The following ADAM19 variants were observed in gnomAD, a reference collection of about 807,000 sequenced individuals.
The protein encoded by ADAM19 is ADAM metallopeptidase domain 19, also known as disintegrin and metalloproteinase domain-containing protein 19.
A neutral mutation model predicts 114.7 loss-of-function variants in ADAM19; 65 were observed. The ratio of observed to expected loss-of-function variants is 0.57; its 90% CI spans 0.46 to 0.70. The LOEUF (loss-of-function observed/expected upper bound fraction) is 0.70. ADAM19 is among the 30% of genes least tolerant of loss of function. The probability of loss-of-function intolerance (pLI) is 0.00; values close to 1 mark genes in which losing one functional copy is unlikely to be tolerated. For missense variants in ADAM19, 1,063 were observed against 1,204.7 expected (o/e 0.88, Z 1.74); for synonymous variants, 466 against 460.5 (o/e 1.01, Z -0.15).
At chr5:157,519,575 G>T (rs1718868164) in intron 6 of ADAM19, among the ~76,000 whole-genome samples, 2 of 152,212 alleles carry the variant, frequency 1.3e-5, no homozygotes, top group South Asian at 4.1e-4. Context: ...ATGAGCCATG[G>T]CGCCCAGCCT....
At chr5:157,546,933 C>T (rs1236027599) in intron 3 of ADAM19, among the ~76,000 whole-genome samples, 2 of 152,190 alleles carry the variant, frequency 1.3e-5, no homozygotes, top group African/African-American at 4.8e-5. Context: ...TTTCAGAATC[C>T]CTAGAGAGGT....
At chr5:157,499,169 T>C (rs2113710196) in intron 13 of ADAM19, among the ~76,000 whole-genome samples, 1 of 152,108 alleles carries the variant, frequency 6.6e-6, no homozygotes, top group African/African-American at 2.4e-5. Context: ...TTTTATGGGG[T>C]TTTTGTGAGG....
At chr5:157,535,235 T>G (rs964512150) in intron 4 of ADAM19, among the ~76,000 whole-genome samples, 4 of 152,236 alleles carry the variant, frequency 2.6e-5, no homozygotes, top group African/African-American at 9.6e-5. Context: ...GGCTGCAGAT[T>G]GCAAACCCTG....
intron 22 of ADAM19, 157 bp from the exon 23 acceptor site, chr5:157,481,159 A>G (rs1754734379): frequency 2.1e-6 from 2 of 952,064 alleles, no homozygotes; most frequent in African/African-American, 3.3e-5. Context: ...ACTCACCCAG[A>G]CCATCAGCCC....
rs756650581 is a variant in ADAM19 at position 157,488,490 on chromosome 5, C to T, written c.2326-1G>A. The T allele has an allele frequency of 3.8e-6, 6 of 1,586,158 alleles. No homozygotes were observed. In the African/African-American group the frequency reaches 5.4e-5, roughly 14 times the overall value. ...GCAGGATTTCCGGAGTGTTGATCACCTGTACGCACAAGTCAAGGAACACCT... is the reference window on the plus strand; with the variant it reads ...GCAGGATTTCCGGAGTGTTGATCACTTGTACGCACAAGTCAAGGAACACCT... On this transcript the variant is annotated splice_acceptor_variant, in intron 20 of 22. Coordinates refer to ENST00000257527, the MANE Select transcript of ADAM19 (RefSeq NM_033274.5). LOFTEE classifies it high-confidence loss of function.
At chr5:157,548,058 C>T (rs900521570) in intron 3 of ADAM19, among the ~76,000 whole-genome samples, 5 of 152,156 alleles carry the variant, frequency 3.3e-5, no homozygotes, top group African/African-American at 1.2e-4. Context: ...GTCATTCTTG[C>T]CTTTGGGCCT....
chr5:157,574,003 A>T (rs1757901024), intron 1 of ADAM19, among the ~76,000 whole-genome samples: 1 of 152,204 alleles, frequency 6.6e-6, no homozygotes, highest in African/African-American at 2.4e-5. Flanking sequence ...TAACTTTTGA[A>T]AACTTTGTAT....
chr5:157,488,278 C>A lies in ADAM19; in HGVS notation c.2537G>T (p.Cys846Phe). 6.2e-7 allele frequency: 1 copy of A among 1,613,062 alleles called. No individual in the cohort carries two copies. The highest frequency in any genetic ancestry group is 1.1e-5 in the South Asian group (1 of 91,056). ...TTATCCACTTACCTGGGAAACGATG[C>A]AATTTGGTGCGGGGGGAATTGGCCG... is the stretch of plus-strand genomic sequence containing the variant. ...PSRPIPPAPNCIVSQDFSRPR... is the reference protein window; with the variant it reads ...PSRPIPPAPNFIVSQDFSRPR... Residue 846 changes from cysteine to phenylalanine, a missense_variant, in exon 21 of 23, where the codon TGC becomes TTC. Physicochemically the swap from Cys to Phe is radical, Grantham distance 205. Coordinates refer to ENST00000257527, the MANE Select transcript of ADAM19 (RefSeq NM_033274.5).
chr5:157,536,407 C>G (rs1756766680), intron 4 of ADAM19, among the ~76,000 whole-genome samples: 2 of 152,166 alleles, frequency 1.3e-5, no homozygotes, highest in Admixed American at 6.5e-5. Context: ...GTGGGCAGAT[C>G]ACCTGAGGTC....
intron 7 of ADAM19, among the ~76,000 whole-genome samples, chr5:157,516,984 T>C (rs1024581317): frequency 2.0e-5 from 3 of 151,824 alleles, no homozygotes; most frequent in African/African-American, 7.3e-5. Context: ...GAAAAACCAA[T>C]ATCAACATCA....
At chr5:157,557,131 C>T (rs539513594) in intron 3 of ADAM19, among the ~76,000 whole-genome samples, 1 of 152,272 alleles carries the variant, frequency 6.6e-6, no homozygotes, top group South Asian at 2.1e-4. Context: ...TGGTCTCGAA[C>T]TCCTGGGCTC....
At chr5:157,491,578 C>A in intron 18 of ADAM19, 37 bp downstream of exon 18, 2 of 1,403,924 alleles carry the variant, frequency 1.4e-6, no homozygotes, top group Non-Finnish European at 1.9e-6. Context: ...GCTCTTCTCA[C>A]AAAAGCGGGC....
At chr5:157,541,967 T>A (rs191848968) in intron 3 of ADAM19, among the ~76,000 whole-genome samples, 67 of 152,346 alleles carry the variant, frequency 4.4e-4, no homozygotes, top group African/African-American at 1.5e-3. Context: ...TAGGCGAGCA[T>A]CACTCTGCTC....
At chr5:157,525,797 C>T (rs896015249) in intron 5 of ADAM19, among the ~76,000 whole-genome samples, 2 of 152,232 alleles carry the variant, frequency 1.3e-5, no homozygotes, top group African/African-American at 4.8e-5. Flanking sequence ...CTTTCCTACA[C>T]ATTCTCCTGC....
Position 157,479,338 on chromosome 5 carries a change from G to A in ADAM19, c.*1611C>T. ...AAGGAGGCCCTGGGGTGGTGAATCA[G>A]AAGCTCAGCCTCAGCCTTGCAGTGA... On this transcript the variant is annotated 3_prime_UTR_variant, in exon 23 of 23. Coordinates refer to ENST00000257527, the MANE Select transcript of ADAM19 (RefSeq NM_033274.5). The A allele has an allele frequency of 1.0e-6, 1 of 985,986 alleles. No homozygotes were observed. Among genetic ancestry groups the A allele is most frequent in the Non-Finnish European group, 1.2e-6 (1 of 830,064 alleles). 61.1% of individuals were successfully genotyped at this position (985,986 alleles called of 1,614,324 possible).
intron 11 of ADAM19, among the ~76,000 whole-genome samples, chr5:157,503,866 G>A (rs1306429742): frequency 5.3e-5 from 8 of 152,160 alleles, no homozygotes; most frequent in Admixed American, 2.6e-4. Context: ...ACTCATAAAC[G>A]CATGCTCTTT....
rs550551511 is a variant in ADAM19, at chr5:157,550,857, T to A, written c.252-12866A>T. On this transcript the variant is annotated intron_variant, in intron 3 of 22. Transcript: ENST00000257527. ...TTTATATATCCACGTTACATGTAAA[T>A]TCGCTTTGACTCAGTTGGGTATACA... Among the ~76,000 whole-genome samples the A allele has an allele frequency of 2.6e-5, 4 of 152,304 alleles. No homozygotes were observed. In the South Asian group the frequency reaches 8.3e-4, roughly 32 times the overall value.
chr5:157,479,100 A>C lies in ADAM19; in HGVS notation c.*1849T>G, dbSNP rs1021382184. ...GGGCCACAGGAAAGGTGGGGAATGGATCTCCACAGCAAGGATGACCCACAG... is the reference window on the plus strand; with the variant it reads ...GGGCCACAGGAAAGGTGGGGAATGGCTCTCCACAGCAAGGATGACCCACAG... On this transcript the variant is annotated 3_prime_UTR_variant, in exon 23 of 23. Coordinates refer to ENST00000257527, the MANE Select transcript of ADAM19 (RefSeq NM_033274.5). The C allele has an allele frequency of 1.0e-6, 1 of 985,720 alleles. No individual in the cohort carries two copies. Among genetic ancestry groups the C allele is most frequent in the African/African-American group, 1.7e-5 (1 of 57,184 alleles). 61.1% of individuals were successfully genotyped at this position (985,720 alleles called of 1,614,324 possible).
chr5:157,490,214 A>T, intron 19 of ADAM19, 96 bp downstream of exon 19: 1 of 1,410,810 alleles, frequency 7.1e-7, no homozygotes. Flanking sequence ...TCCCTGAATT[A>T]GACCCACTAT....
Sources: allele counts gnomAD v4.1 joint callset (sites outside exome capture counted in the v4.1 genomes callset), GRCh38; gene constraint gnomAD v4.1.1; transcripts MANE v1.5; gene names NCBI Gene and HGNC (gene_info 2026-07-23, HGNC 2026-07-21).